ARSJ: variants seen among roughly 807,000 people sequenced by gnomAD.
ARSJ encodes the protein arylsulfatase J.
A neutral mutation model predicts 35.9 loss-of-function variants in ARSJ; 26 were observed. The ratio of observed to expected loss-of-function variants is 0.72; its 90% CI spans 0.53 to 1.00. ARSJ has a LOEUF of 1.00. Among genes scored for constraint, ARSJ ranks in the 50% least tolerant of loss-of-function variants. The pLI, the probability that ARSJ is intolerant of heterozygous loss-of-function variation, is 0.00. For synonymous variants in ARSJ, 294 were observed against 267.6 expected (o/e 1.10, Z -0.96); for missense variants, 667 against 723.6 (o/e 0.92, Z 0.90).
chr4:113,906,746 C>T (rs768270516), intron 1 of ARSJ: 9 of 456,082 alleles, frequency 2.0e-5, no homozygotes, highest in South Asian at 1.2e-4. Context: ...GTTTCCTCAT[C>T]TGTAAAATAG....
Position 113,900,682 on chromosome 4 carries a change from G to A in ARSJ, c.*1592C>T, listed in dbSNP as rs1286555145. The A allele has an allele frequency of 1.3e-5, 2 of 152,184 alleles. No homozygotes were observed. The highest frequency in any genetic ancestry group is 4.8e-5 in the African/African-American group (2 of 41,446). The allele number at this position is 152,184 out of a possible 1,614,324, so 9.4% of individuals were successfully genotyped here. A position where few individuals can be genotyped will look rare whatever the true frequency, so the allele number is the denominator to read the frequency against. ...TCTAGCTATCTGTGACTTTTCAAGT[G>A]TATACTGTAAGCTTCAAGGCCTCTG... is the stretch of plus-strand genomic sequence containing the variant. On this transcript the variant is annotated 3_prime_UTR_variant, in exon 2 of 2. Coordinates refer to ENST00000315366, the MANE Select transcript of ARSJ (RefSeq NM_024590.4).
chr4:113,978,873 C>A lies in ARSJ; in HGVS notation c.-39G>T, dbSNP rs759935435. The A allele has an allele frequency of 2.6e-4, 401 of 1,540,500 alleles. No individual in the cohort carries two copies. The highest frequency in any genetic ancestry group is 3.4e-4 in the Non-Finnish European group (385 of 1,148,064). ...AGGTGAGACTCCACGCGGAGAACCA[C>A]GCGCCCCGCGCCGCTGCGGGCGCAC... On this transcript the variant is annotated 5_prime_UTR_variant, in exon 1 of 2. Transcript: ENST00000315366.
intron 1 of ARSJ, among the ~76,000 whole-genome samples, chr4:113,973,693 T>C (rs760497440): frequency 2.0e-5 from 3 of 152,204 alleles, no homozygotes; most frequent in African/African-American, 4.8e-5. Context: ...CCTTCAGATC[T>C]TCCTTCTCAG....
In ARSJ at chr4:113,963,523, C is replaced by T. The variant is rs372880821; in HGVS notation, c.398+14914G>A. 1.1e-4 allele frequency among the ~76,000 whole-genome samples: 16 copies of T among 152,128 alleles called. No homozygotes were observed. The East Asian group carries it at 1.2e-3, about 11-fold the overall frequency. On this transcript the variant is annotated intron_variant, in intron 1 of 1. Coordinates refer to ENST00000315366, the MANE Select transcript of ARSJ (RefSeq NM_024590.4). ...CATGAGAACAGCAGCATGGGGGTAACGCCACCATGATTCAATTACCTGCTG... is the reference window on the plus strand; with the variant it reads ...CATGAGAACAGCAGCATGGGGGTAATGCCACCATGATTCAATTACCTGCTG...
At chr4:113,936,171 T>G (rs1440471009) in intron 1 of ARSJ, among the ~76,000 whole-genome samples, 2 of 151,906 alleles carry the variant, frequency 1.3e-5, no homozygotes, top group Non-Finnish European at 2.9e-5. Context: ...ATGCATAGTG[T>G]AACTCAAATG....
intron 1 of ARSJ, among the ~76,000 whole-genome samples, chr4:113,950,042 T>C (rs974713841): frequency 6.6e-6 from 1 of 152,072 alleles, no homozygotes; most frequent in Non-Finnish European, 1.5e-5. Context: ...GCCCAGGCTC[T>C]GGGGGTTCAT....
chr4:113,959,682 T>C (rs1324832474), intron 1 of ARSJ, among the ~76,000 whole-genome samples: 1 of 152,130 alleles, frequency 6.6e-6, no homozygotes, highest in Admixed American at 6.6e-5. Context: ...TTTTACTTTG[T>C]GTATATTAAA....
chr4:113,930,923 G>C (rs1724400759), intron 1 of ARSJ, among the ~76,000 whole-genome samples: 2 of 146,830 alleles, frequency 1.4e-5, no homozygotes, highest in Non-Finnish European at 3.0e-5. Context: ...ACTATCGCAA[G>C]AACAAAAAAC....
chr4:113,960,468 T>A (rs1167860182), intron 1 of ARSJ, among the ~76,000 whole-genome samples: 3 of 152,082 alleles, frequency 2.0e-5, no homozygotes, highest in Non-Finnish European at 2.9e-5. Context: ...TTCATCTCCA[T>A]GGTGGTGTTA....
In ARSJ at chr4:113,901,601, T is replaced by A. The variant is rs2099667076; in HGVS notation, c.*673A>T. On this transcript the variant is annotated 3_prime_UTR_variant, in exon 2 of 2. Coordinates refer to ENST00000315366, the MANE Select transcript of ARSJ (RefSeq NM_024590.4). Reference sequence around the variant, plus strand: ...GTTTAGAAAATAGTTACATTCATTGTGGGCAGTGTGCTCAAACATTCTTAT... The same window carrying A: ...GTTTAGAAAATAGTTACATTCATTGAGGGCAGTGTGCTCAAACATTCTTAT... The A allele has an allele frequency of 6.6e-6, 1 of 152,632 alleles. No individual in the cohort carries two copies. 9.5% of individuals were successfully genotyped at this position (152,632 alleles called of 1,614,324 possible). A position where few individuals can be genotyped will look rare whatever the true frequency, so the allele number is the denominator to read the frequency against.
chr4:113,951,057 ATT>A (rs1252444907), intron 1 of ARSJ, among the ~76,000 whole-genome samples: 1 of 152,078 alleles, frequency 6.6e-6, no homozygotes, highest in Non-Finnish European at 1.5e-5. Context: ...AAAGATAAAG[ATT>A]TATGAGAAGG....
chr4:113,911,020 C>T (rs1229877904), intron 1 of ARSJ, among the ~76,000 whole-genome samples: 2 of 152,100 alleles, frequency 1.3e-5, no homozygotes, highest in African/African-American at 4.8e-5. Flanking sequence ...GCAGGTAGTG[C>T]AAGCAGCTGA....
rs763293010 is a variant in ARSJ, at chr4:113,979,053, C to T, written c.-219G>A. 31 of 448,774 alleles carry T rather than the reference C, an allele frequency of 6.9e-5. No homozygotes were observed. Among genetic ancestry groups the T allele is most frequent in the Non-Finnish European group, 1.2e-4 (30 of 256,782 alleles). 27.8% of individuals were successfully genotyped at this position (448,774 alleles called of 1,614,324 possible). A position where few individuals can be genotyped will look rare whatever the true frequency, so the allele number is the denominator to read the frequency against. On this transcript the variant is annotated 5_prime_UTR_variant, in exon 1 of 2. In the 5' UTR this introduces an upstream ATG that the reference lacks. Transcript: ENST00000315366. ...AAGGAGGGCTCGCTCTTCTCCAGCA[C>T]ATTTCACTTTCTCCTCCTCCTCCCC...
intron 1 of ARSJ, among the ~76,000 whole-genome samples, chr4:113,906,074 A>AT (rs1005477161): frequency 5.9e-5 from 9 of 152,186 alleles, no homozygotes; most frequent in African/African-American, 1.9e-4. Flanking sequence ...AAAAAAACTA[A>AT]TTTTTCACAC....
Position 113,900,510 on chromosome 4 carries a change from A to T in ARSJ, c.*1764T>A, listed in dbSNP as rs1420221979. 1 of 152,172 alleles carries T rather than the reference A, an allele frequency of 6.6e-6. No homozygotes were observed. Among genetic ancestry groups the T allele is most frequent in the African/African-American group, 2.4e-5 (1 of 41,432 alleles). The allele number at this position is 152,172 out of a possible 1,614,324, so 9.4% of individuals were successfully genotyped here. On this transcript the variant is annotated 3_prime_UTR_variant, in exon 2 of 2. Transcript: ENST00000315366. ...TTTCAGAAACTGTGAGCTGTGATAT[A>T]AATGGATTATATCACAGTCCTTTGA...
At chr4:113,939,830 C>T (rs964917861) in intron 1 of ARSJ, among the ~76,000 whole-genome samples, 3 of 151,906 alleles carry the variant, frequency 2.0e-5, no homozygotes, top group Non-Finnish European at 4.4e-5. Flanking sequence ...AGCCCTTTGT[C>T]AGATGAGTAG....
chr4:113,942,611 A>G (rs1456650633), intron 1 of ARSJ, among the ~76,000 whole-genome samples: 1 of 152,070 alleles, frequency 6.6e-6, no homozygotes, highest in African/African-American at 2.4e-5. Flanking sequence ...GGTAGTATAC[A>G]ATCAACAAGA....
In ARSJ at chr4:113,978,552, C is replaced by G; in HGVS notation, c.283G>C (p.Gly95Arg). Reference sequence around the variant, plus strand: ...AGAGTAGGTGTTTTAATCTCAGATCCGTGGTAACCCACATCTCTAAATCCC... The same window carrying G: ...AGAGTAGGTGTTTTAATCTCAGATCGGTGGTAACCCACATCTCTAAATCCC... The part of the protein sequence containing the change: ...DQGFRDVGYH[G>R]SEIKTPTLDK... Residue 95 changes from glycine to arginine, a missense_variant, in exon 1 of 2, where the codon GGA (glycine) becomes CGA (arginine). Coordinates refer to ENST00000315366, the MANE Select transcript of ARSJ (RefSeq NM_024590.4). 1 of 1,614,220 alleles carries G rather than the reference C, an allele frequency of 6.2e-7. No homozygotes were observed. The highest frequency in any genetic ancestry group is 8.5e-7 in the Non-Finnish European group (1 of 1,180,020).
At chr4:113,935,091 C>T (rs1030780112) in intron 1 of ARSJ, among the ~76,000 whole-genome samples, 5 of 151,846 alleles carry the variant, frequency 3.3e-5, no homozygotes, top group East Asian at 1.9e-4. Flanking sequence ...TCAAATTACT[C>T]TCCTGAAAGT....
Sources: gnomAD v4.1 joint callset for allele counts (sites outside exome capture counted in the v4.1 genomes callset) on GRCh38, gnomAD v4.1.1 for gene constraint, MANE v1.5 for transcripts, NCBI Gene and HGNC (gene_info 2026-07-23, HGNC 2026-07-21) for gene names.